The following RGS7 variants were observed in gnomAD, a reference collection of about 807,000 sequenced individuals.
RGS7 encodes regulator of G-protein signaling 7.
A neutral mutation model predicts 81.1 loss-of-function variants in RGS7; 27 were observed. The observed-to-expected ratio is 0.33, with a 90% CI of 0.25 to 0.46. The LOEUF is 0.46. Ranked by LOEUF, RGS7 falls within the 20% of genes least tolerant of loss-of-function variation. The pLI, the probability that RGS7 is intolerant of heterozygous loss-of-function variation, is 1.00. For synonymous variants in RGS7, 208 were observed against 207.7 expected (o/e 1.00, Z -0.01); for missense variants, 396 against 607.4 (o/e 0.65, Z 3.66).
chr1:240,997,521 A>G (rs565163380), intron 3 of RGS7, among the ~76,000 whole-genome samples: 10 of 152,226 alleles, frequency 6.6e-5, no homozygotes, highest in African/African-American at 2.4e-4. Context: ...TCAACAATCA[A>G]AACAATCAAA....
intron 2 of RGS7, among the ~76,000 whole-genome samples, chr1:241,213,245 G>A (rs2074351611): frequency 6.6e-6 from 1 of 152,204 alleles, no homozygotes; most frequent in South Asian, 2.1e-4. Flanking sequence ...CTCACTGGCA[G>A]TAGCACAGCA....
At chr1:240,809,828 C>T (rs1308252214) in intron 14 of RGS7, among the ~76,000 whole-genome samples, 1 of 151,732 alleles carries the variant, frequency 6.6e-6, no homozygotes, top group Non-Finnish European at 1.5e-5. Flanking sequence ...ATATGATAGG[C>T]AATATAGTAG....
chr1:241,002,451 C>T (rs1211164689), intron 3 of RGS7, among the ~76,000 whole-genome samples: 2 of 12,826 alleles, frequency 1.6e-4, no homozygotes, highest in Non-Finnish European at 5.9e-4. Flanking sequence ...GAAACTCTGT[C>T]TCAAAAAAAA....
intron 2 of RGS7, among the ~76,000 whole-genome samples, chr1:241,139,020 G>T (rs2103074676): frequency 6.6e-6 from 1 of 151,960 alleles, no homozygotes; most frequent in Admixed American, 6.6e-5. Flanking sequence ...ACTACAGATT[G>T]GCCTTTTCTG....
At chr1:240,779,328 G>T (rs1432634960) in intron 18 of RGS7, among the ~76,000 whole-genome samples, 1 of 152,030 alleles carries the variant, frequency 6.6e-6, no homozygotes, top group African/African-American at 2.4e-5. Flanking sequence ...GGCTAATTTT[G>T]TACTTTTAGT....
chr1:241,344,076 T>C lies in RGS7; in HGVS notation c.78+11623A>G, dbSNP rs139097927. ...AAAAAAATTTATATCCTAAATGATATACGGGATTTGCTTCAAAATAATCAA... is the reference window on the plus strand; with the variant it reads ...AAAAAAATTTATATCCTAAATGATACACGGGATTTGCTTCAAAATAATCAA... On this transcript the variant is annotated intron_variant, in intron 2 of 18. Coordinates refer to ENST00000440928, the MANE Select transcript of RGS7 (RefSeq NM_001364886.1). Among the ~76,000 whole-genome samples the C allele has an allele frequency of 9.7e-3, 1,485 of 152,316 alleles. 18 individuals are homozygous for C. The highest frequency in any genetic ancestry group is 0.013 in the Non-Finnish European group (884 of 68,020).
intron 2 of RGS7, among the ~76,000 whole-genome samples, chr1:241,118,923 A>G (rs1319711848): frequency 6.6e-6 from 1 of 152,180 alleles, no homozygotes; most frequent in Non-Finnish European, 1.5e-5. Flanking sequence ...TTGAAAAATT[A>G]CCAGTTGAAT....
At chr1:241,339,410 C>T (rs1049332607) in intron 2 of RGS7, among the ~76,000 whole-genome samples, 2 of 152,122 alleles carry the variant, frequency 1.3e-5, no homozygotes, top group African/African-American at 4.8e-5. Context: ...GTCAGAGTCT[C>T]GCTGTTAAGT....
intron 9 of RGS7, among the ~76,000 whole-genome samples, chr1:240,832,697 A>G (rs1246379938): frequency 6.6e-6 from 1 of 152,222 alleles, no homozygotes; most frequent in Non-Finnish European, 1.5e-5. Context: ...AGGAATACAG[A>G]ACAGCTGTGT....
intron 2 of RGS7, among the ~76,000 whole-genome samples, chr1:241,198,170 T>A (rs1315433270): frequency 6.6e-6 from 1 of 152,028 alleles, no homozygotes; most frequent in East Asian, 1.9e-4. Flanking sequence ...ATAATGATAA[T>A]GTAACATCTC....
intron 3 of RGS7, among the ~76,000 whole-genome samples, chr1:241,089,063 C>CTCTCTATATATATATA (rs1374552672): frequency 8.4e-5 from 2 of 23,686 alleles, no homozygotes; most frequent in Non-Finnish European, 1.5e-4. Flanking sequence ...CTCTCTCTCT[C>CTCTCTATATATATATA]TATATATATA....
intron 2 of RGS7, among the ~76,000 whole-genome samples, chr1:241,247,843 C>G (rs2076624019): frequency 6.6e-6 from 1 of 151,922 alleles, no homozygotes; most frequent in Non-Finnish European, 1.5e-5. Context: ...GTTTTATGAC[C>G]CAGCATGTAG....
chr1:241,072,531 C>T (rs1007250185), intron 3 of RGS7, among the ~76,000 whole-genome samples: 1 of 152,222 alleles, frequency 6.6e-6, no homozygotes, highest in South Asian at 2.1e-4. Flanking sequence ...AGCTGCGGAC[C>T]GTAAAACCAT....
chr1:240,806,395 G>A (rs551634263), intron 14 of RGS7, 69 bp from the exon 15 acceptor site: 18 of 1,453,172 alleles, frequency 1.2e-5, no homozygotes, highest in South Asian at 2.3e-5. Flanking sequence ...TGACATTTAC[G>A]GATCATGCAG....
chr1:240,840,051 T>C (rs1695356517), intron 9 of RGS7, among the ~76,000 whole-genome samples: 1 of 152,160 alleles, frequency 6.6e-6, no homozygotes, highest in Non-Finnish European at 1.5e-5. Context: ...CAAGCTGCCA[T>C]GATCTCCCAT....
At chr1:240,970,149 C>A (rs773914425) in intron 4 of RGS7, among the ~76,000 whole-genome samples, 5 of 152,168 alleles carry the variant, frequency 3.3e-5, no homozygotes, top group Non-Finnish European at 7.3e-5. Context: ...GATTAATGCT[C>A]ATGTGTGATA....
chr1:241,164,734 C>T lies in RGS7; in HGVS notation c.79-65972G>A, dbSNP rs2070043644. The stretch of plus-strand genomic sequence containing the variant: ...TGCGCAGGCCAACAAAACACATCCC[C>T]TACTCAGATTCTGCGCATGGGCCAC... On this transcript the variant is annotated intron_variant, in intron 2 of 18. Coordinates refer to ENST00000440928, the MANE Select transcript of RGS7 (RefSeq NM_001364886.1). This position sits in a 1 kb window ranked among gnomAD's most constrained non-coding sequence, Gnocchi z 4.1. 6.6e-6 allele frequency among the ~76,000 whole-genome samples: 1 copy of T among 152,184 alleles called. No individual in the cohort carries two copies. The highest frequency in any genetic ancestry group is 6.5e-5 in the Admixed American group (1 of 15,284).
At chr1:240,832,399 G>A (rs1693998500) in intron 9 of RGS7, among the ~76,000 whole-genome samples, 1 of 152,104 alleles carries the variant, frequency 6.6e-6, no homozygotes, top group African/African-American at 2.4e-5. Context: ...TTATTATAAC[G>A]TTATTTATTA....
chr1:241,057,792 G>A (rs2061545355), intron 3 of RGS7, among the ~76,000 whole-genome samples: 1 of 152,158 alleles, frequency 6.6e-6, no homozygotes, highest in South Asian at 2.1e-4. Context: ...TGCGCCTGTA[G>A]TCCCAGCTAC....
Sources: allele counts gnomAD v4.1 joint callset (sites outside exome capture counted in the v4.1 genomes callset), GRCh38; gene constraint gnomAD v4.1.1; non-coding constraint Gnocchi (gnomAD v3.1); transcripts MANE v1.5; gene names NCBI Gene and HGNC (gene_info 2026-07-23, HGNC 2026-07-21).